ACSL6: variants seen among roughly 807,000 people sequenced by gnomAD.
ACSL6 encodes the protein acyl-CoA synthetase long chain family member 6, also known as long-chain-fatty-acid--CoA ligase 6.
ACSL6 carries 47 observed loss-of-function variants against 98.2 expected under a neutral mutation model. That is an observed-to-expected ratio of 0.48 (90% CI 0.38 to 0.61). The LOEUF (loss-of-function observed/expected upper bound fraction) is 0.61. Ranked by LOEUF, ACSL6 falls within the 20% of genes least tolerant of loss-of-function variation. The pLI is 0.00. For synonymous variants in ACSL6, 362 were observed against 336.9 expected (o/e 1.07, Z -0.82); for missense variants, 761 against 913.4 (o/e 0.83, Z 2.15).
At chr5:131,958,431 C>A (rs185029182) in intron 20 of ACSL6, among the ~76,000 whole-genome samples, 13 of 152,304 alleles carry the variant, frequency 8.5e-5, no homozygotes, top group Admixed American at 2.6e-4. Context: ...TGACCTTTGT[C>A]TTTTAGAAAG....
At chr5:131,965,270 G>A (rs1266934011) in intron 17 of ACSL6, among the ~76,000 whole-genome samples, 1 of 152,182 alleles carries the variant, frequency 6.6e-6, no homozygotes, top group Non-Finnish European at 1.5e-5. Flanking sequence ...CCAGGCAAGA[G>A]TGCTCAGTGT....
In ACSL6 at chr5:131,959,583, C is replaced by G; in HGVS notation, c.1984G>C (p.Asp662His). 6.2e-7 allele frequency: 1 copy of G among 1,614,200 alleles called. No homozygotes were observed. The highest frequency in any genetic ancestry group is 8.5e-7 in the Non-Finnish European group (1 of 1,180,022). Residue 662 changes from aspartate to histidine, a missense_variant, in exon 20 of 21, where the codon GAT becomes CAT. Coordinates refer to ENST00000651883, the MANE Select transcript of ACSL6 (RefSeq NM_001009185.3). ...NKDLKKAILE[D>H]MVRLGKESGL... is the part of the protein sequence containing the mutation. ...CTTTCTTTTCCTAACCTCACCATAT[C>G]TTCCAAAATGGCTTTCTTCAGATCC...
chr5:131,975,658 C>T (rs920145405), intron 10 of ACSL6: 8 of 985,054 alleles, frequency 8.1e-6, no homozygotes, highest in East Asian at 1.1e-4. Context: ...TGCTGTGCCC[C>T]GCCAGCAAAG....
At chr5:132,011,862 C>T (rs1421180128), upstream of ACSL6, 23 of 1,519,754 alleles carry the variant, frequency 1.5e-5, no homozygotes, top group Non-Finnish European at 1.9e-5. This position sits in a 1 kb window ranked among gnomAD's most constrained non-coding sequence, Gnocchi z 5.4. Flanking sequence ...GGGGAGGGGC[C>T]CGGCCGCAGA....
intron 1 of ACSL6, 145 bp from the exon 2 acceptor site, chr5:131,994,396 C>A (rs1351182108): frequency 2.9e-6 from 2 of 682,526 alleles, no homozygotes; most frequent in African/African-American, 3.6e-5. Flanking sequence ...ACCCCAGAAG[C>A]TGGCTACCTA....
chr5:131,959,687 A>G, intron 19 of ACSL6, 80 bp from the exon 20 acceptor site: 1 of 1,337,890 alleles, frequency 7.5e-7, no homozygotes, highest in South Asian at 1.2e-5. Context: ...ACTTTTGGGT[A>G]AAGTACAACT....
intron 1 of ACSL6, among the ~76,000 whole-genome samples, chr5:132,003,023 C>T (rs115534165): frequency 6.6e-6 from 1 of 152,298 alleles, no homozygotes; most frequent in African/African-American, 2.4e-5. Flanking sequence ...AGCCAGGATC[C>T]GGCATGGCTC....
intron 14 of ACSL6, among the ~76,000 whole-genome samples, chr5:131,970,645 G>A (rs1462137509): frequency 2.0e-5 from 3 of 152,018 alleles, no homozygotes; most frequent in East Asian, 3.9e-4. Context: ...TCCTGACCTC[G>A]TGATCCACCC....
intron 1 of ACSL6, among the ~76,000 whole-genome samples, chr5:132,008,950 C>G (rs1755564926): frequency 6.6e-6 from 1 of 152,240 alleles, no homozygotes. Flanking sequence ...CTCTGATCCT[C>G]TGCTCCCATT....
Position 131,989,757 on chromosome 5 carries a change from C to A in ACSL6, c.451-249G>T, listed in dbSNP as rs1580678366. Among the ~76,000 whole-genome samples the A allele has an allele frequency of 7.2e-5, 11 of 152,204 alleles. 3 individuals carry two copies. On this transcript the variant is annotated intron_variant, in intron 4 of 20. Transcript: ENST00000651883. The stretch of plus-strand genomic sequence containing the variant: ...TACAGGTGCATGCCACCACACCTGG[C>A]TAATTTTTTGTATTTTAGTAGAGAC...
chr5:131,995,323 G>T (rs1391946595), intron 1 of ACSL6, among the ~76,000 whole-genome samples: 1 of 152,200 alleles, frequency 6.6e-6, no homozygotes, highest in East Asian at 1.9e-4. Flanking sequence ...TGGCTCAAGG[G>T]TTCTGTACCT....
intron 8 of ACSL6, among the ~76,000 whole-genome samples, 177 bp downstream of exon 8, chr5:131,986,645 C>T (rs1333901521): frequency 6.6e-6 from 1 of 152,200 alleles, no homozygotes; most frequent in African/African-American, 2.4e-5. Flanking sequence ...GTTCCAGGTC[C>T]TTCCCTGGGC....
At chr5:131,959,496 C>A in intron 20 of ACSL6, 40 bp downstream of exon 20, 3 of 1,595,222 alleles carry the variant, frequency 1.9e-6, no homozygotes, top group Non-Finnish European at 1.7e-6. Context: ...TTCATCACTG[C>A]CTGAAGGGTT....
chr5:131,991,179 C>G lies in ACSL6; in HGVS notation c.271-212G>C, dbSNP rs1431334591. Among the ~76,000 whole-genome samples the G allele has an allele frequency of 1.3e-4, 20 of 152,224 alleles. 1 individual carries two copies. Among genetic ancestry groups the G allele is most frequent in the Admixed American group, 1.3e-3 (20 of 15,284 alleles). ...TGTAGCCACACTCCGACATAGTTGGCTCATGCATAAAGGCCGGGTATACCA... is the reference window on the plus strand; with the variant it reads ...TGTAGCCACACTCCGACATAGTTGGGTCATGCATAAAGGCCGGGTATACCA... On this transcript the variant is annotated intron_variant, in intron 2 of 20. Coordinates refer to ENST00000651883, the MANE Select transcript of ACSL6 (RefSeq NM_001009185.3).
chr5:131,950,775 A>G lies in ACSL6; in HGVS notation c.*3459T>C, dbSNP rs1561766186. ...AAGGAAAGGTTATTGGTTCTTTGAT[A>G]GGTAATACAATCAAATTAAGTGCTG... On this transcript the variant is annotated 3_prime_UTR_variant, in exon 21 of 21. Coordinates refer to ENST00000651883, the MANE Select transcript of ACSL6 (RefSeq NM_001009185.3). 2 of 192,920 alleles carry G rather than the reference A, an allele frequency of 1.0e-5. No homozygotes were observed. The highest frequency in any genetic ancestry group is 6.1e-5 in the Admixed American group (1 of 16,372). The allele number at this position is 192,920 out of a possible 1,614,324, so 12.0% of individuals were successfully genotyped here. A position where few individuals can be genotyped will look rare whatever the true frequency, so the allele number is the denominator to read the frequency against.
At chr5:131,992,755 C>T (rs1402471248) in intron 2 of ACSL6, among the ~76,000 whole-genome samples, 3 of 152,222 alleles carry the variant, frequency 2.0e-5, no homozygotes, top group Admixed American at 6.5e-5. Flanking sequence ...AATAGCTCCA[C>T]GCTGTTCCCT....
chr5:131,960,341 T>C (rs1478229167), intron 19 of ACSL6, among the ~76,000 whole-genome samples, 179 bp downstream of exon 19: 1 of 152,234 alleles, frequency 6.6e-6, no homozygotes. Flanking sequence ...AGAAGAAATA[T>C]GAGTTTCTTC....
At chr5:131,975,328 C>T in intron 10 of ACSL6, 1 of 985,406 alleles carries the variant, frequency 1.0e-6, no homozygotes, top group Non-Finnish European at 1.2e-6. Context: ...TCTCTGAGGG[C>T]CTGCCCCTCA....
At chr5:131,978,842 A>G (rs1405922762) in intron 9 of ACSL6, among the ~76,000 whole-genome samples, 1 of 152,230 alleles carries the variant, frequency 6.6e-6, no homozygotes, top group East Asian at 1.9e-4. Flanking sequence ...GTCAGAGATA[A>G]GAGCATCAGG....
Sources: allele counts gnomAD v4.1 joint callset (sites outside exome capture counted in the v4.1 genomes callset), GRCh38; gene constraint gnomAD v4.1.1; non-coding constraint Gnocchi (gnomAD v3.1); transcripts MANE v1.5; gene names NCBI Gene and HGNC (gene_info 2026-07-23, HGNC 2026-07-21).